The following SIK3 variants were observed in gnomAD, a reference collection of about 807,000 sequenced individuals.
SIK3 encodes serine/threonine-protein kinase SIK3.
A neutral mutation model predicts 144.2 loss-of-function variants in SIK3; 28 were observed. That is an observed-to-expected ratio of 0.19 (90% confidence interval 0.14 to 0.27). The LOEUF (loss-of-function observed/expected upper bound fraction) is 0.27, where lower values mean the gene tolerates loss of function less well. SIK3 is among the 10% of genes least tolerant of loss of function. SIK3 has a pLI of 1.00. For missense variants in SIK3, 1,319 were observed against 1,776.0 expected (o/e 0.74, Z 4.62); for synonymous variants, 686 against 676.3 (o/e 1.01, Z -0.22).
chr11:116,939,851 G>A (rs940365923), intron 3 of SIK3, among the ~76,000 whole-genome samples: 7 of 152,330 alleles, frequency 4.6e-5, no homozygotes, highest in South Asian at 2.1e-4. Context: ...GTAGGGAAGA[G>A]ATGAGGTTGT....
intron 1 of SIK3, among the ~76,000 whole-genome samples, chr11:117,020,414 C>T (rs1400717932): frequency 6.6e-6 from 1 of 151,826 alleles, no homozygotes; most frequent in Non-Finnish European, 1.5e-5. Context: ...ATAACAAGCC[C>T]CTTTCAACCA....
At chr11:117,012,566 C>T (rs141148323) in intron 1 of SIK3, among the ~76,000 whole-genome samples, 2 of 152,240 alleles carry the variant, frequency 1.3e-5, no homozygotes, top group Non-Finnish European at 2.9e-5. Context: ...TTGCTATTTC[C>T]GTATCCTTGC....
intron 1 of SIK3, among the ~76,000 whole-genome samples, chr11:117,083,612 C>T (rs907746967): frequency 2.6e-5 from 4 of 152,086 alleles, no homozygotes; most frequent in African/African-American, 9.7e-5. Context: ...CAACTATTGT[C>T]GGAATGCTGC....
At chr11:117,086,267 T>G (rs1954998938) in intron 1 of SIK3, among the ~76,000 whole-genome samples, 1 of 152,200 alleles carries the variant, frequency 6.6e-6, no homozygotes, top group Non-Finnish European at 1.5e-5. Flanking sequence ...ATTACCATAT[T>G]TATTCATATA....
At chr11:116,936,462 C>G (rs1253127497) in intron 3 of SIK3, among the ~76,000 whole-genome samples, 1 of 152,208 alleles carries the variant, frequency 6.6e-6, no homozygotes, top group South Asian at 2.1e-4. Flanking sequence ...AGGCGTGAGC[C>G]ACAGCACCTG....
At chr11:116,951,601 A>T (rs1221593580) in intron 3 of SIK3, among the ~76,000 whole-genome samples, 2 of 152,166 alleles carry the variant, frequency 1.3e-5, no homozygotes, top group Non-Finnish European at 2.9e-5. Context: ...CCCTTGAGGT[A>T]CATTCACATG....
chr11:116,847,436 A>G, intron 23 of SIK3, 40 bp downstream of exon 23: 1 of 1,612,874 alleles, frequency 6.2e-7, no homozygotes, highest in Non-Finnish European at 8.5e-7. Flanking sequence ...AGGCCCCTCC[A>G]GGAACTTCTC....
intron 3 of SIK3, chr11:116,950,369 C>A: frequency 3.8e-6 from 1 of 265,612 alleles, no homozygotes; most frequent in Non-Finnish European, 7.7e-6. Flanking sequence ...ACCAACAGAC[C>A]AAACTAAATA....
chr11:117,018,990 G>A (rs1307876530), intron 1 of SIK3, among the ~76,000 whole-genome samples: 1 of 151,900 alleles, frequency 6.6e-6, no homozygotes, highest in African/African-American at 2.4e-5. Flanking sequence ...GGGATTACAG[G>A]GTGAGCCACT....
chr11:117,004,817 G>A (rs1240471486), intron 1 of SIK3, among the ~76,000 whole-genome samples: 1 of 152,064 alleles, frequency 6.6e-6, no homozygotes, highest in East Asian at 1.9e-4. Flanking sequence ...ATTCCTGCTG[G>A]GCAATAAGAA....
chr11:116,959,262 A>G (rs1319718614), intron 1 of SIK3, among the ~76,000 whole-genome samples: 1 of 152,116 alleles, frequency 6.6e-6, no homozygotes, highest in Non-Finnish European at 1.5e-5. Context: ...TGATCCCGGG[A>G]GCTGAAGTTG....
chr11:116,861,271 C>T lies in SIK3; in HGVS notation c.2425+3G>A, dbSNP rs1294011471. The T allele has an allele frequency of 4.4e-6, 7 of 1,583,588 alleles. No homozygotes were observed. The highest frequency in any genetic ancestry group is 1.1e-5 in the South Asian group (1 of 87,154). ...ACTGTTTGGTCTGAACCTCTCCACT[C>T]ACCGTGAGGCTGGATCATGGCACTG... On this transcript the variant is annotated splice_donor_region_variant and intron_variant, in intron 19 of 24. Coordinates refer to ENST00000445177, the MANE Select transcript of SIK3 (RefSeq NM_001366686.3).
chr11:117,092,077 A>C (rs1039955801), intron 1 of SIK3, among the ~76,000 whole-genome samples: 7 of 152,058 alleles, frequency 4.6e-5, no homozygotes, highest in African/African-American at 1.7e-4. Context: ...GAGCCACCAC[A>C]TCCAGCCACG....
At chr11:117,088,453 C>A (rs1176961786) in intron 1 of SIK3, among the ~76,000 whole-genome samples, 2 of 152,008 alleles carry the variant, frequency 1.3e-5, no homozygotes, top group Non-Finnish European at 2.9e-5. Flanking sequence ...ATAGGAAATT[C>A]CAATAGTAAA....
chr11:117,048,962 G>A (rs186134022), intron 1 of SIK3, among the ~76,000 whole-genome samples: 44 of 152,122 alleles, frequency 2.9e-4, no homozygotes, highest in African/African-American at 7.7e-4. Context: ...TTAGCTGGGC[G>A]TGGTGGCGCA....
intron 1 of SIK3, among the ~76,000 whole-genome samples, chr11:117,002,812 A>C (rs1267240287): frequency 6.6e-6 from 1 of 152,220 alleles, no homozygotes; most frequent in East Asian, 1.9e-4. Context: ...GCATTATGCA[A>C]GTATCTGAAT....
intron 4 of SIK3, among the ~76,000 whole-genome samples, chr11:116,912,686 C>T (rs1258802385): frequency 1.3e-5 from 2 of 152,116 alleles, no homozygotes; most frequent in South Asian, 2.1e-4. Flanking sequence ...TTTACTTACC[C>T]TAAATGAACA....
intron 1 of SIK3, among the ~76,000 whole-genome samples, chr11:117,045,935 G>A (rs78624684): frequency 0.019 from 2,951 of 152,304 alleles, 111 homozygotes; most frequent in African/African-American, 0.066. Context: ...GTTCAAATGC[G>A]TTAAATGATT....
At chr11:116,937,193 G>T (rs1279676144) in intron 3 of SIK3, among the ~76,000 whole-genome samples, 1 of 152,182 alleles carries the variant, frequency 6.6e-6, no homozygotes, top group Non-Finnish European at 1.5e-5. Flanking sequence ...AATATGTAGA[G>T]TGTGTTTCTG....
Sources: gnomAD v4.1 joint callset for allele counts (sites outside exome capture counted in the v4.1 genomes callset) on GRCh38, gnomAD v4.1.1 for gene constraint, MANE v1.5 for transcripts, NCBI Gene and HGNC (gene_info 2026-07-23, HGNC 2026-07-21) for gene names.